The following STK33 variants were observed in gnomAD, a reference collection of about 807,000 sequenced individuals.
The protein encoded by STK33 is serine/threonine-protein kinase 33.
A neutral mutation model predicts 58.0 loss-of-function variants in STK33; 52 were observed. The ratio of observed to expected loss-of-function variants is 0.90; its 90% CI spans 0.72 to 1.13. The LOEUF is 1.13. STK33 is among the 50% of genes most tolerant of loss of function. The pLI, the probability that STK33 is intolerant of heterozygous loss-of-function variation, is 0.00. For synonymous variants in STK33, 215 were observed against 200.1 expected (o/e 1.07, Z -0.63); for missense variants, 630 against 604.2 (o/e 1.04, Z -0.45).
intron 1 of STK33, among the ~76,000 whole-genome samples, chr11:8,553,879 AT>A (rs1273735649): frequency 1.3e-5 from 2 of 152,198 alleles, no homozygotes; most frequent in African/African-American, 4.8e-5. Flanking sequence ...GTTAAGCTCC[AT>A]GACATTAGAC....
chr11:8,424,908 G>C (rs1353165716), intron 14 of STK33, among the ~76,000 whole-genome samples: 1 of 134,676 alleles, frequency 7.4e-6, no homozygotes, highest in Non-Finnish European at 1.6e-5. Flanking sequence ...TGAGTAGATT[G>C]CAAAAATTTT....
intron 1 of STK33, among the ~76,000 whole-genome samples, chr11:8,515,625 A>G (rs1316979655): frequency 2.0e-5 from 3 of 152,236 alleles, no homozygotes; most frequent in African/African-American, 7.2e-5. Context: ...CATTAAAAGG[A>G]TCACAAACCA....
chr11:8,447,693 A>T (rs181080035), intron 11 of STK33, among the ~76,000 whole-genome samples: 8 of 152,336 alleles, frequency 5.3e-5, no homozygotes, highest in Admixed American at 3.9e-4. Flanking sequence ...CTTAATGGGC[A>T]AAAACTGGAA....
chr11:8,546,160 C>G (rs1955895839), intron 1 of STK33, among the ~76,000 whole-genome samples: 1 of 152,204 alleles, frequency 6.6e-6, no homozygotes, highest in Non-Finnish European at 1.5e-5. Context: ...CTGGGTACAA[C>G]AGTGAGTCAG....
intron 9 of STK33, 72 bp downstream of exon 9, chr11:8,457,269 A>C: frequency 7.5e-7 from 1 of 1,329,620 alleles, no homozygotes; most frequent in Non-Finnish European, 1.0e-6. Context: ...ATGAATCTGG[A>C]ATACAATTAC....
intron 15 of STK33, 85 bp downstream of exon 15, chr11:8,413,409 CA>C (rs1940612967): frequency 2.1e-6 from 3 of 1,446,598 alleles, no homozygotes; most frequent in African/African-American, 3.0e-5. Flanking sequence ...AAACTAACAA[CA>C]AAAAGACAGA....
At chr11:8,580,370 A>G (rs1344505635) in intron 1 of STK33, among the ~76,000 whole-genome samples, 1 of 152,156 alleles carries the variant, frequency 6.6e-6, no homozygotes, top group African/African-American at 2.4e-5. Context: ...CAGGCACAGA[A>G]AGAAAAACAT....
At chr11:8,528,954 T>G (rs570946031) in intron 1 of STK33, among the ~76,000 whole-genome samples, 51 of 152,332 alleles carry the variant, frequency 3.3e-4, no homozygotes, top group African/African-American at 1.2e-3. Context: ...ACTATGTGAG[T>G]ATTACTAGTG....
At chr11:8,533,982 A>G (rs1422410586) in intron 1 of STK33, among the ~76,000 whole-genome samples, 1 of 152,174 alleles carries the variant, frequency 6.6e-6, no homozygotes, top group Non-Finnish European at 1.5e-5. Context: ...TATGCCCTCA[A>G]ACTGTATATG....
chr11:8,366,305 C>T, the STK33 span, among the ~76,000 whole-genome samples: 1 of 152,214 alleles, frequency 6.6e-6, no homozygotes, highest in East Asian at 1.9e-4. Context: ...GCAGCCCAGG[C>T]CCTCTCCTTC....
chr11:8,523,483 C>T (rs530478132), intron 1 of STK33, among the ~76,000 whole-genome samples: 23 of 151,348 alleles, frequency 1.5e-4, no homozygotes, highest in Admixed American at 2.6e-4. Context: ...ACCCGGCGGC[C>T]GCCCTGTCTG....
chr11:8,497,328 TCAAAG>T (rs1339995034), intron 1 of STK33, among the ~76,000 whole-genome samples: 2 of 151,866 alleles, frequency 1.3e-5, no homozygotes, highest in Non-Finnish European at 2.9e-5. Context: ...AAAAACAAAA[TCAAAG>T]AGAACCTTGA....
chr11:8,567,351 T>C (rs1957522378), intron 1 of STK33: 1 of 152,222 alleles, frequency 6.6e-6, no homozygotes, highest in Admixed American at 6.5e-5. Flanking sequence ...AAGATCAAAT[T>C]AGTCAAAATA....
At chr11:8,514,492 T>C (rs1952601126) in intron 1 of STK33, among the ~76,000 whole-genome samples, 1 of 152,176 alleles carries the variant, frequency 6.6e-6, no homozygotes, top group South Asian at 2.1e-4. Flanking sequence ...ACAGATAGAC[T>C]GAGTGGGATG....
At chr11:8,369,773 GC>G in the STK33 span, among the ~76,000 whole-genome samples, 1 of 152,204 alleles carries the variant, frequency 6.6e-6, no homozygotes, top group African/African-American at 2.4e-5. Context: ...CTCCAGCAAG[GC>G]CCCAGGACCT....
intron 1 of STK33, among the ~76,000 whole-genome samples, chr11:8,500,638 T>A (rs1378448082): frequency 6.6e-6 from 1 of 152,178 alleles, no homozygotes; most frequent in Non-Finnish European, 1.5e-5. Context: ...TTCAGTGTAA[T>A]CCCTATTGAA....
At chr11:8,529,271 A>G (rs559181292) in intron 1 of STK33, among the ~76,000 whole-genome samples, 202 of 152,320 alleles carry the variant, frequency 1.3e-3, no homozygotes, top group African/African-American at 4.6e-3. Flanking sequence ...ACTCCAAACT[A>G]ACTCTTTTAC....
At chr11:8,564,128 GA>G (rs1369042579) in intron 1 of STK33, among the ~76,000 whole-genome samples, 13 of 152,296 alleles carry the variant, frequency 8.5e-5, no homozygotes, top group African/African-American at 3.1e-4. Flanking sequence ...CAGGATGTAA[GA>G]GAATCAAGAG....
At position 8,427,857 on chromosome 11, in the gene STK33, T is replaced by C. The variant is rs1337426469; in HGVS notation, c.1146+7637A>G. ...TATCTCTCTTAGTATGTTCACTTTG[T>C]TAATTTTTAAATTCTAGGACTGTGT... is the stretch of plus-strand genomic sequence containing the variant. On this transcript the variant is annotated intron_variant, in intron 14 of 15. Coordinates refer to ENST00000687296, the MANE Select transcript of STK33 (RefSeq NM_001352389.2). Among the ~76,000 whole-genome samples, 4 of 152,234 alleles carry C rather than the reference T, an allele frequency of 2.6e-5. No homozygotes were observed. In the East Asian group the frequency reaches 7.7e-4, roughly 29 times the overall value.
Sources: gnomAD v4.1 joint callset for allele counts (sites outside exome capture counted in the v4.1 genomes callset) on GRCh38, gnomAD v4.1.1 for gene constraint, MANE v1.5 for transcripts, NCBI Gene and HGNC (gene_info 2026-07-23, HGNC 2026-07-21) for gene names.